Variants in ITPKB observed in about 807,000 individuals in gnomAD.
ITPKB encodes the protein inositol-trisphosphate 3-kinase B.
Under a neutral mutation model 69.4 loss-of-function variants are expected in ITPKB, and 13 were observed. The ratio of observed to expected loss-of-function variants is 0.19; its 90% CI spans 0.12 to 0.30. The LOEUF (loss-of-function observed/expected upper bound fraction) is 0.30. Among genes scored for constraint, ITPKB ranks in the 10% least tolerant of loss-of-function variants. The pLI is 1.00. For missense variants in ITPKB, 1,240 were observed against 1,250.5 expected (o/e 0.99, Z 0.13); for synonymous variants, 584 against 513.7 (o/e 1.14, Z -1.85).
chr1:226,653,533 C>T lies in ITPKB; in HGVS notation c.1933-4762G>A, dbSNP rs116107771. On this transcript the variant is annotated intron_variant, in intron 2 of 7. Transcript: ENST00000429204. ...TCCCTCCCTGGGGCTGCTCAGGTGCCACTTCCGGTGCAGCTGTCAGATGAC... is the reference window on the plus strand; with the variant it reads ...TCCCTCCCTGGGGCTGCTCAGGTGCTACTTCCGGTGCAGCTGTCAGATGAC... Among the ~76,000 whole-genome samples, 1,257 of 152,320 alleles carry T rather than the reference C, an allele frequency of 8.3e-3. 9 individuals carry two copies. Among genetic ancestry groups the T allele is most frequent in the Middle Eastern group, 0.017 (5 of 294 alleles).
intron 2 of ITPKB, among the ~76,000 whole-genome samples, chr1:226,706,018 A>ATTCC (rs1250934407): frequency 2.0e-5 from 3 of 152,320 alleles, no homozygotes; most frequent in Non-Finnish European, 2.9e-5. Flanking sequence ...CCAAGCTGCT[A>ATTCC]AAGGGCTGGA....
intron 2 of ITPKB, among the ~76,000 whole-genome samples, chr1:226,719,376 C>G (rs562731442): frequency 1.3e-5 from 2 of 152,196 alleles, no homozygotes; most frequent in East Asian, 3.8e-4. Flanking sequence ...GCTGACTTAC[C>G]GTGCCCTGTG....
intron 6 of ITPKB, among the ~76,000 whole-genome samples, chr1:226,638,647 C>T (rs186608158): frequency 6.6e-6 from 1 of 152,144 alleles, no homozygotes; most frequent in Admixed American, 6.5e-5. Flanking sequence ...CGAGCCGCTG[C>T]AGCAGCAACA....
intron 2 of ITPKB, among the ~76,000 whole-genome samples, chr1:226,734,221 AAT>A (rs1225208940): frequency 1.3e-5 from 2 of 152,224 alleles, no homozygotes; most frequent in African/African-American, 4.8e-5. Context: ...CTAGCCACAA[AAT>A]GCCAGGCTGA....
rs766251623 is a variant in ITPKB, at chr1:226,642,162, T to C, written c.2247-37A>G. On this transcript the variant is annotated intron_variant, in intron 4 of 7. Coordinates refer to ENST00000429204, the MANE Select transcript of ITPKB (RefSeq NM_002221.4). The surrounding 1 kb of genome is among the most constrained non-coding windows in gnomAD (Gnocchi z 6.4). The stretch of plus-strand genomic sequence containing the variant: ...GGAAGGCGACATGAGGGCCGAGGCC[T>C]GGGGCAGGGCTCACCAGCAGCTCCT... 2 of 1,565,592 alleles carry C rather than the reference T, an allele frequency of 1.3e-6. No individual in the cohort carries two copies. Among genetic ancestry groups the C allele is most frequent in the South Asian group, 1.1e-5 (1 of 87,926 alleles).
At chr1:226,729,964 T>C (rs758044330) in intron 2 of ITPKB, among the ~76,000 whole-genome samples, 12 of 152,132 alleles carry the variant, frequency 7.9e-5, no homozygotes, top group Non-Finnish European at 1.5e-4. Flanking sequence ...ATATTTATGG[T>C]GTCTGTCAAC....
intron 2 of ITPKB, among the ~76,000 whole-genome samples, chr1:226,650,311 C>A (rs1227406715): frequency 6.6e-6 from 1 of 152,170 alleles, no homozygotes; most frequent in Non-Finnish European, 1.5e-5. Context: ...AATTCTTATC[C>A]CCATCCCAGA....
intron 2 of ITPKB, among the ~76,000 whole-genome samples, chr1:226,711,414 AG>A (rs1166209740): frequency 3.9e-5 from 4 of 101,928 alleles, no homozygotes; most frequent in African/African-American, 1.4e-4. Flanking sequence ...AAAGAGAGAG[AG>A]AGAGAGAGAG....
At chr1:226,706,002 C>T (rs906032939) in intron 2 of ITPKB, among the ~76,000 whole-genome samples, 2 of 152,192 alleles carry the variant, frequency 1.3e-5, no homozygotes, top group Non-Finnish European at 2.9e-5. Context: ...TTTGTTGCCT[C>T]TTATTCCAAG....
At chr1:226,679,218 G>A (rs1027160484) in intron 2 of ITPKB, among the ~76,000 whole-genome samples, 7 of 152,208 alleles carry the variant, frequency 4.6e-5, no homozygotes, top group Non-Finnish European at 7.4e-5. Flanking sequence ...GAATTAAAAT[G>A]TACCAAAATT....
At position 226,640,477 on chromosome 1, in the gene ITPKB, C is replaced by T. The variant is rs997070556; in HGVS notation, c.2452-819G>A. ...CCTGGGTGCAGGAGGGGCCGAGAGC[C>T]GGGGGCTGTGGGCAGTGCACCCCAG... On this transcript the variant is annotated intron_variant, in intron 5 of 7. Transcript: ENST00000429204. Among the ~76,000 whole-genome samples the T allele has an allele frequency of 2.6e-5, 4 of 152,246 alleles. No homozygotes were observed. In the East Asian group the frequency reaches 7.7e-4, roughly 29 times the overall value.
intron 2 of ITPKB, chr1:226,669,024 G>A (rs1399985656): frequency 6.6e-6 from 1 of 151,952 alleles, no homozygotes; most frequent in East Asian, 1.9e-4. Context: ...ATGTTTAACT[G>A]TCTGAAATTA....
chr1:226,641,953 C>T lies in ITPKB; in HGVS notation c.2419G>A (p.Ala807Thr), dbSNP rs781307539. The change falls in exon 5 of 8, where the codon GCC becomes ACC. Residue 807 changes from alanine (A) to threonine (T), a missense_variant. Ala to Thr is a moderately conservative substitution (Grantham distance 58). This residue lies in a region of ITPKB where 248 missense variants were observed against 396.7 expected (regional missense o/e 0.63). Transcript: ENST00000429204. This position sits in a 1 kb window ranked among gnomAD's most constrained non-coding sequence, Gnocchi z 4.6. Reference sequence around the variant, plus strand: ...CCCTCGATCCTGAACCCCAGGGTGGCCGTGGAGCTGATGGTCTCCCGCCAC... The same window carrying T: ...CCCTCGATCCTGAACCCCAGGGTGGTCGTGGAGCTGATGGTCTCCCGCCAC... The part of the protein sequence containing the change: ...MQWRETISST[A>T]TLGFRIEGIK... 6.2e-7 allele frequency: 1 copy of T among 1,614,062 alleles called. No individual in the cohort carries two copies. The highest frequency in any genetic ancestry group is 1.1e-5 in the South Asian group (1 of 91,072).
intron 2 of ITPKB, among the ~76,000 whole-genome samples, chr1:226,683,579 T>C (rs940706089): frequency 6.6e-6 from 1 of 152,112 alleles, no homozygotes; most frequent in Non-Finnish European, 1.5e-5. Flanking sequence ...TCCTGCTTGC[T>C]GTGTAGTATA....
intron 2 of ITPKB, among the ~76,000 whole-genome samples, chr1:226,694,968 G>A (rs1304332944): frequency 6.6e-6 from 1 of 152,254 alleles, no homozygotes; most frequent in African/African-American, 2.4e-5. Flanking sequence ...CGTGGCTCAC[G>A]CCTGTAATCC....
intron 2 of ITPKB, among the ~76,000 whole-genome samples, chr1:226,649,984 C>A (rs1669154848): frequency 1.3e-5 from 2 of 152,174 alleles, no homozygotes; most frequent in South Asian, 2.1e-4. Context: ...GAATGAGAAG[C>A]ATTGTGAGTT....
rs117581286 is a variant in ITPKB, at chr1:226,649,472, A to G, written c.1933-701T>C. Among the ~76,000 whole-genome samples the G allele has an allele frequency of 4.7e-3, 655 of 137,976 alleles. 15 individuals carry two copies. In the East Asian group the frequency reaches 0.056, roughly 12 times the overall value. The allele number at this position is 137,976 out of a possible 152,430, so 90.5% of individuals were successfully genotyped here. A position where few individuals can be genotyped will look rare whatever the true frequency, so the allele number is the denominator to read the frequency against. On this transcript the variant is annotated intron_variant, in intron 2 of 7. Transcript: ENST00000429204. The stretch of plus-strand genomic sequence containing the variant: ...GTGTGCATGTGTGATATGTGCATGT[A>G]TGTGCATATGTGTGCATCAGTGTGT...
chr1:226,669,630 C>G (rs1307130124), intron 2 of ITPKB, among the ~76,000 whole-genome samples: 1 of 152,104 alleles, frequency 6.6e-6, no homozygotes, highest in Non-Finnish European at 1.5e-5. Context: ...CTCAAAGTAT[C>G]AAAAGCAAAG....
At chr1:226,673,666 A>G (rs889531079) in intron 2 of ITPKB, among the ~76,000 whole-genome samples, 1 of 152,254 alleles carries the variant, frequency 6.6e-6, no homozygotes, top group Admixed American at 6.5e-5. Context: ...TAAATAGTGT[A>G]GATATTGCAT....
Sources: gnomAD v4.1 joint callset for allele counts (sites outside exome capture counted in the v4.1 genomes callset) on GRCh38, gnomAD v4.1.1 for gene constraint, gnomAD v4.1.1 regional missense constraint, Gnocchi (gnomAD v3.1) non-coding constraint, MANE v1.5 for transcripts, NCBI Gene and HGNC (gene_info 2026-07-23, HGNC 2026-07-21) for gene names.